MACROD2: variants seen among roughly 807,000 people sequenced by gnomAD.
MACROD2 encodes mono-ADP ribosylhydrolase 2.
In MACROD2, 36 loss-of-function variants were observed where a neutral mutation model predicts 70.4. That is an observed-to-expected ratio of 0.51 (90% CI 0.39 to 0.68). MACROD2 has a LOEUF of 0.68. Among genes scored for constraint, MACROD2 ranks in the 30% least tolerant of loss-of-function variants. MACROD2 has a pLI of 0.00. For missense variants in MACROD2, 496 were observed against 538.4 expected (o/e 0.92, Z 0.78); for synonymous variants, 172 against 178.8 (o/e 0.96, Z 0.30).
chr20:15,472,145 G>A (rs1373103727), intron 7 of MACROD2, among the ~76,000 whole-genome samples: 5 of 152,120 alleles, frequency 3.3e-5, no homozygotes, highest in African/African-American at 9.7e-5. Context: ...TAGGAACAGA[G>A]CCAACTTCTG....
intron 15 of MACROD2, among the ~76,000 whole-genome samples, chr20:16,002,752 C>G (rs898202866): frequency 6.6e-6 from 1 of 152,114 alleles, no homozygotes; most frequent in Non-Finnish European, 1.5e-5. Flanking sequence ...GTAAGAAAAT[C>G]AGTTTGCATT....
At chr20:15,410,487 T>C (rs1168148028) in intron 6 of MACROD2, among the ~76,000 whole-genome samples, 2 of 152,226 alleles carry the variant, frequency 1.3e-5, no homozygotes, top group African/African-American at 4.8e-5. Context: ...TTACTTTGTT[T>C]CTGCTCACAA....
chr20:14,987,483 G>A (rs1426974025), intron 5 of MACROD2, among the ~76,000 whole-genome samples: 1 of 152,112 alleles, frequency 6.6e-6, no homozygotes, highest in Non-Finnish European at 1.5e-5. Flanking sequence ...AAAATCAAGT[G>A]TGTGTTTAAT....
chr20:14,506,445 G>C lies in MACROD2; in HGVS notation c.301+12937G>C, dbSNP rs2224296. On this transcript the variant is annotated intron_variant, in intron 4 of 17. Coordinates refer to ENST00000684519, the MANE Select transcript of MACROD2 (RefSeq NM_001351661.2). ...CTGGCTCTAGATATTTGTGCAAAAGGACTATCCAGTCATTGGCTGAAAACT... is the reference window on the plus strand; with the variant it reads ...CTGGCTCTAGATATTTGTGCAAAAGCACTATCCAGTCATTGGCTGAAAACT... Among the ~76,000 whole-genome samples, 928 of 152,198 alleles carry C rather than the reference G, an allele frequency of 6.1e-3. 6 individuals carry two copies. The highest frequency in any genetic ancestry group is 0.014 in the African/African-American group (575 of 41,542).
rs574391857 is a variant in MACROD2, at chr20:14,121,886, A to G, written c.271+36158A>G. The stretch of plus-strand genomic sequence containing the variant: ...TGTTAAATTGCTTCATTAATTTTAT[A>G]CCTCTTTTATATTGAAGTCTGTAAT... On this transcript the variant is annotated intron_variant, in intron 3 of 17. Transcript: ENST00000684519. Among the ~76,000 whole-genome samples, 11 of 152,158 alleles carry G rather than the reference A, an allele frequency of 7.2e-5. No individual in the cohort carries two copies. The East Asian group carries it at 1.9e-3, about 27-fold the overall frequency.
At chr20:14,950,355 T>C (rs938889973) in intron 5 of MACROD2, among the ~76,000 whole-genome samples, 1 of 152,144 alleles carries the variant, frequency 6.6e-6, no homozygotes, top group Non-Finnish European at 1.5e-5. Flanking sequence ...TCTCTTCTAT[T>C]GTGGGACGTG....
intron 3 of MACROD2, among the ~76,000 whole-genome samples, chr20:14,245,793 T>C (rs2081964330): frequency 6.6e-6 from 1 of 152,096 alleles, no homozygotes; most frequent in Admixed American, 6.6e-5. Flanking sequence ...CCCTAAAGCA[T>C]GCAGACATAC....
intron 8 of MACROD2, among the ~76,000 whole-genome samples, chr20:15,784,861 G>A (rs923335414): frequency 1.3e-5 from 2 of 151,914 alleles, no homozygotes; most frequent in Non-Finnish European, 2.9e-5. Flanking sequence ...TAAAAATCAC[G>A]GAGTAGGCCG....
intron 5 of MACROD2, among the ~76,000 whole-genome samples, chr20:14,749,221 A>G (rs2071838063): frequency 6.6e-6 from 1 of 152,066 alleles, no homozygotes; most frequent in Non-Finnish European, 1.5e-5. Context: ...TGCAGCTCGT[A>G]CGTCATATGC....
chr20:15,922,130 C>G (rs1360019490), intron 10 of MACROD2, among the ~76,000 whole-genome samples: 1 of 152,216 alleles, frequency 6.6e-6, no homozygotes, highest in Non-Finnish European at 1.5e-5. Flanking sequence ...ATGCAGAAAT[C>G]AGAGGTAAGT....
At chr20:15,914,905 G>A (rs1450362094) in intron 10 of MACROD2, among the ~76,000 whole-genome samples, 1 of 150,060 alleles carries the variant, frequency 6.7e-6, no homozygotes, top group Non-Finnish European at 1.5e-5. Context: ...ACAGAGCTCA[G>A]GGAAAACAAT....
chr20:16,045,456 CA>C (rs1275300908), intron 17 of MACROD2, among the ~76,000 whole-genome samples: 3 of 152,032 alleles, frequency 2.0e-5, no homozygotes, highest in Non-Finnish European at 2.9e-5. Context: ...AAGAAGATGG[CA>C]AATTAATGTC....
intron 10 of MACROD2, among the ~76,000 whole-genome samples, chr20:15,888,508 G>C (rs1157244841): frequency 1.3e-4 from 20 of 152,126 alleles, no homozygotes; most frequent in Non-Finnish European, 1.6e-4. Flanking sequence ...AAGAGAGTTG[G>C]CTTCTCAATG....
At chr20:14,505,959 T>A (rs2084964725) in intron 4 of MACROD2, among the ~76,000 whole-genome samples, 1 of 152,196 alleles carries the variant, frequency 6.6e-6, no homozygotes, top group Non-Finnish European at 1.5e-5. Context: ...CTTCAAAAAC[T>A]GCTGAACTTC....
intron 1 of MACROD2, among the ~76,000 whole-genome samples, chr20:13,996,999 G>A (rs2052669959): frequency 6.6e-6 from 1 of 152,040 alleles, no homozygotes; most frequent in Non-Finnish European, 1.5e-5. Context: ...AAACAGTGGA[G>A]GTAAGAAAGG....
chr20:14,891,273 A>G (rs1251745301), intron 5 of MACROD2, among the ~76,000 whole-genome samples: 6 of 152,170 alleles, frequency 3.9e-5, no homozygotes, highest in Non-Finnish European at 7.4e-5. Flanking sequence ...TAAAATGGCC[A>G]AGATAACAGA....
chr20:15,517,314 CT>C (rs1438440115), intron 8 of MACROD2, among the ~76,000 whole-genome samples: 1 of 152,184 alleles, frequency 6.6e-6, no homozygotes, highest in East Asian at 1.9e-4. Flanking sequence ...ACACTGACTT[CT>C]TTTATTCAGG....
intron 4 of MACROD2, among the ~76,000 whole-genome samples, chr20:14,651,981 T>C (rs1293611947): frequency 6.6e-6 from 1 of 152,154 alleles, no homozygotes; most frequent in African/African-American, 2.4e-5. Flanking sequence ...GAGTATCTAG[T>C]AGGGGCTTAG....
intron 4 of MACROD2, among the ~76,000 whole-genome samples, chr20:14,643,766 G>T (rs559761077): frequency 6.6e-6 from 1 of 152,270 alleles, no homozygotes; most frequent in East Asian, 1.9e-4. Context: ...GGCACCTGTG[G>T]TGACTGTCCT....
Sources: gnomAD v4.1 joint callset for allele counts (sites outside exome capture counted in the v4.1 genomes callset) on GRCh38, gnomAD v4.1.1 for gene constraint, MANE v1.5 for transcripts, NCBI Gene and HGNC (gene_info 2026-07-23, HGNC 2026-07-21) for gene names.